DPP10: variants seen among roughly 807,000 people sequenced by gnomAD.
DPP10 encodes inactive dipeptidyl peptidase 10.
In DPP10, 33 loss-of-function variants were observed where a neutral mutation model predicts 120.9. That is an observed-to-expected ratio of 0.27 (90% confidence interval 0.21 to 0.37). DPP10 has a LOEUF of 0.37. Among genes scored for constraint, DPP10 ranks in the 10% least tolerant of loss-of-function variants. The probability of loss-of-function intolerance (pLI) is 1.00; values close to 1 mark genes in which losing one functional copy is unlikely to be tolerated. For missense variants in DPP10, 816 were observed against 942.8 expected, an observed-to-expected ratio of 0.87 and a Z score of 1.76; for synonymous variants, 337 against 326.1, an observed-to-expected ratio of 1.03 and a Z score of -0.36.
chr2:115,727,872 G>A lies in DPP10; in HGVS notation c.633G>A (p.Leu211=). 1 of 1,606,526 alleles carries A rather than the reference G, an allele frequency of 6.2e-7. No homozygotes were observed. Among genetic ancestry groups the A allele is most frequent in the Non-Finnish European group, 8.5e-7 (1 of 1,176,794 alleles). Residue 211 remains leucine, a synonymous_variant, in exon 8 of 26, where the codon TTG becomes TTA. Coordinates refer to ENST00000410059, the MANE Select transcript of DPP10 (RefSeq NM_020868.6). The part of the protein sequence containing the change: ...YYQPDIKSSS[L]RLTSSGKEEI... ...AACCTGATATAAAGAGCAGTTCATT[G>A]CGACTGACATCTTCTGGAAAAGAAG... is the stretch of plus-strand genomic sequence containing the variant.
intron 1 of DPP10, among the ~76,000 whole-genome samples, chr2:114,871,769 C>T (rs900078616): frequency 6.6e-6 from 1 of 152,156 alleles, no homozygotes; most frequent in African/African-American, 2.4e-5. Flanking sequence ...CTGTTGGGAA[C>T]TGGGTCACAC....
intron 5 of DPP10, among the ~76,000 whole-genome samples, chr2:115,562,413 A>G (rs1366574463): frequency 2.0e-5 from 3 of 152,134 alleles, no homozygotes; most frequent in Admixed American, 1.3e-4. Context: ...GGTTGAGACC[A>G]TATGCTTTTT....
intron 1 of DPP10, among the ~76,000 whole-genome samples, chr2:114,624,919 T>C (rs1573820635): frequency 2.0e-5 from 3 of 151,986 alleles, no homozygotes; most frequent in Non-Finnish European, 4.4e-5. Flanking sequence ...CTGGATTAAA[T>C]TGAAGCAAGT....
intron 1 of DPP10, among the ~76,000 whole-genome samples, chr2:115,047,066 T>C (rs1264949998): frequency 2.0e-5 from 3 of 151,544 alleles, no homozygotes; most frequent in Admixed American, 6.6e-5. Context: ...ATTTTTACCA[T>C]TTATTATTGA....
In DPP10 at chr2:114,673,664, C is replaced by T. The variant is rs182852662; in HGVS notation, c.60+230826C>T. On this transcript the variant is annotated intron_variant, in intron 1 of 25. Coordinates refer to ENST00000410059, the MANE Select transcript of DPP10 (RefSeq NM_020868.6). ...AGAGATCGGGTTTCACCATGTTGGC[C>T]AGGCTGGTCTCAAACTCCTGACCTC... Among the ~76,000 whole-genome samples, 502 of 152,184 alleles carry T rather than the reference C, an allele frequency of 3.3e-3. 3 individuals carry two copies. The highest frequency in any genetic ancestry group is 0.012 in the African/African-American group (482 of 41,544).
intron 3 of DPP10, among the ~76,000 whole-genome samples, chr2:115,393,902 A>G (rs531038470): frequency 2.5e-4 from 38 of 152,356 alleles, no homozygotes; most frequent in Middle Eastern, 3.4e-3. Flanking sequence ...ATGGAGGTCC[A>G]TAGATGAAAC....
chr2:115,808,189 C>T (rs76274508), intron 19 of DPP10, among the ~76,000 whole-genome samples: 2,781 of 152,194 alleles, frequency 0.018, 87 homozygotes, highest in African/African-American at 0.061. Context: ...TTTGTATGGC[C>T]GTGTAACTAT....
At chr2:115,377,356 A>G (rs2065892831) in intron 3 of DPP10, among the ~76,000 whole-genome samples, 1 of 152,110 alleles carries the variant, frequency 6.6e-6, no homozygotes, top group Non-Finnish European at 1.5e-5. Flanking sequence ...TCTTGTTTTG[A>G]GAAGTGTCTG....
chr2:115,525,453 G>A (rs1409951778), intron 4 of DPP10, among the ~76,000 whole-genome samples: 1 of 151,984 alleles, frequency 6.6e-6, no homozygotes, highest in African/African-American at 2.4e-5. Context: ...TGTCTTTAAT[G>A]TTAGTATCTT....
chr2:115,711,915 G>GT (rs1491280011), intron 7 of DPP10, among the ~76,000 whole-genome samples: 12,264 of 96,520 alleles, frequency 0.13, 1,340 homozygotes, highest in African/African-American at 0.2. Flanking sequence ...AAAATGGTCT[G>GT]GTTTTTTTTT....
intron 1 of DPP10, among the ~76,000 whole-genome samples, chr2:114,487,118 T>G: frequency 6.6e-6 from 1 of 152,226 alleles, no homozygotes; most frequent in East Asian, 1.9e-4. Context: ...CCTCTTGAAC[T>G]CCAGCTAATA....
chr2:115,237,480 T>G (rs1319397618), intron 1 of DPP10, among the ~76,000 whole-genome samples: 3 of 152,130 alleles, frequency 2.0e-5, no homozygotes, highest in African/African-American at 4.8e-5. Flanking sequence ...AATAATCCTA[T>G]AGTCACCTCT....
At chr2:115,526,039 T>C in intron 5 of DPP10, 67 bp downstream of exon 5, 1 of 1,370,692 alleles carries the variant, frequency 7.3e-7, no homozygotes. Context: ...TGCATAATTT[T>C]ACTCAGCTAT....
intron 1 of DPP10, among the ~76,000 whole-genome samples, chr2:114,834,502 C>T (rs536423710): frequency 2.2e-4 from 33 of 150,866 alleles, no homozygotes; most frequent in African/African-American, 7.4e-4. Context: ...CATATCTACG[C>T]ACCTATGTAT....
At chr2:115,211,921 G>T (rs954070437) in intron 1 of DPP10, among the ~76,000 whole-genome samples, 2 of 152,084 alleles carry the variant, frequency 1.3e-5, no homozygotes, top group African/African-American at 4.8e-5. Flanking sequence ...GCTATTTGAT[G>T]CTGTGACTGT....
chr2:114,978,177 C>A (rs143556314), intron 1 of DPP10, among the ~76,000 whole-genome samples: 147 of 152,260 alleles, frequency 9.7e-4, no homozygotes, highest in East Asian at 5.4e-3. Context: ...TCTACGATGA[C>A]GGAAATGTTC....
At chr2:115,059,488 C>T (rs1442888778) in intron 1 of DPP10, among the ~76,000 whole-genome samples, 1 of 151,756 alleles carries the variant, frequency 6.6e-6, no homozygotes, top group African/African-American at 2.4e-5. Flanking sequence ...CCAATGCTAG[C>T]TTTGTAGACA....
intron 1 of DPP10, among the ~76,000 whole-genome samples, chr2:115,286,523 T>TAG (rs1559366816): frequency 2.3e-5 from 1 of 43,450 alleles, no homozygotes; most frequent in African/African-American, 6.4e-5. Flanking sequence ...AATATATATA[T>TAG]ATAATATATA....
chr2:115,524,233 G>A (rs932858679), intron 4 of DPP10, among the ~76,000 whole-genome samples: 2 of 152,118 alleles, frequency 1.3e-5, no homozygotes, highest in Non-Finnish European at 2.9e-5. Flanking sequence ...CCAGCTGCCA[G>A]TCCCTGGTCC....
Sources: allele counts gnomAD v4.1 joint callset (sites outside exome capture counted in the v4.1 genomes callset), GRCh38; gene constraint gnomAD v4.1.1; transcripts MANE v1.5; gene names NCBI Gene and HGNC (gene_info 2026-07-23, HGNC 2026-07-21).